The following CSNK1G1 variants were observed in gnomAD, a reference collection of about 807,000 sequenced individuals.
The protein encoded by CSNK1G1 is casein kinase I isoform gamma-1.
A neutral mutation model predicts 59.6 loss-of-function variants in CSNK1G1; 22 were observed. That is an observed-to-expected ratio of 0.37 (90% confidence interval 0.26 to 0.53). The LOEUF (loss-of-function observed/expected upper bound fraction) is 0.53, where lower values mean the gene tolerates loss of function less well. Among genes scored for constraint, CSNK1G1 ranks in the 20% least tolerant of loss-of-function variants. The probability of loss-of-function intolerance (pLI) is 0.89; values close to 1 mark genes in which losing one functional copy is unlikely to be tolerated. For missense variants in CSNK1G1, 384 were observed against 519.5 expected, an observed-to-expected ratio of 0.74 and a Z score of 2.54; for synonymous variants, 179 against 177.1, an observed-to-expected ratio of 1.01 and a Z score of -0.08.
At chr15:64,290,799 TA>T (rs1894696215) in intron 2 of CSNK1G1, among the ~76,000 whole-genome samples, 1 of 152,330 alleles carries the variant, frequency 6.6e-6, no homozygotes, top group East Asian at 1.9e-4. Flanking sequence ...TCACCCAGAC[TA>T]GAGTGCAATG....
chr15:64,211,602 T>C (rs780150497), intron 6 of CSNK1G1, among the ~76,000 whole-genome samples: 8 of 152,178 alleles, frequency 5.3e-5, no homozygotes, highest in Non-Finnish European at 1.0e-4. Context: ...ATAATTACAA[T>C]ATGGACTGAT....
chr15:64,228,682 T>C (rs961241516), intron 4 of CSNK1G1, among the ~76,000 whole-genome samples: 1 of 151,986 alleles, frequency 6.6e-6, no homozygotes, highest in East Asian at 1.9e-4. Flanking sequence ...CAAAGGCACA[T>C]GATTAAGAAC....
intron 2 of CSNK1G1, among the ~76,000 whole-genome samples, chr15:64,281,013 G>A (rs950109771): frequency 4.6e-5 from 7 of 151,686 alleles, no homozygotes; most frequent in African/African-American, 9.7e-5. Flanking sequence ...CCAAGTAGCT[G>A]GGACTACAGG....
intron 1 of CSNK1G1, among the ~76,000 whole-genome samples, chr15:64,310,331 G>C (rs889521176): frequency 6.6e-6 from 1 of 151,794 alleles, no homozygotes; most frequent in African/African-American, 2.4e-5. Flanking sequence ...CCCTCCACTT[G>C]ATTCACCTTT....
At chr15:64,208,733 G>A (rs1041972991) in intron 6 of CSNK1G1, among the ~76,000 whole-genome samples, 1 of 152,028 alleles carries the variant, frequency 6.6e-6, no homozygotes, top group African/African-American at 2.4e-5. Flanking sequence ...ATGGGATGTC[G>A]CTATGTTGCT....
At position 64,213,752 on chromosome 15, in the gene CSNK1G1, C is replaced by A. The variant is rs140480602; in HGVS notation, c.679+138G>T. The A allele has an allele frequency of 6.5e-4, 421 of 650,892 alleles. 2 individuals carry two copies. In the African/African-American group the frequency reaches 6.9e-3, roughly 11 times the overall value. 40.3% of individuals were successfully genotyped at this position (650,892 alleles called of 1,614,324 possible). On this transcript the variant is annotated intron_variant, in intron 6 of 11. Transcript: ENST00000303052. ...AAAAGTCATTAACTTACCATCTCAACTTCTCATGTATAAAAATCACTCAAC... is the reference window on the plus strand; with the variant it reads ...AAAAGTCATTAACTTACCATCTCAAATTCTCATGTATAAAAATCACTCAAC...
intron 2 of CSNK1G1, among the ~76,000 whole-genome samples, chr15:64,273,250 TCA>T (rs1340099928): frequency 6.6e-6 from 1 of 152,178 alleles, no homozygotes; most frequent in African/African-American, 2.4e-5. Flanking sequence ...TATTGAAACA[TCA>T]CACTCTACCC....
intron 1 of CSNK1G1, among the ~76,000 whole-genome samples, chr15:64,353,032 T>G (rs979312139): frequency 6.6e-6 from 1 of 151,972 alleles, no homozygotes; most frequent in African/African-American, 2.4e-5. Context: ...GAGATTGCAA[T>G]GAGCAGAGAT....
At chr15:64,323,207 G>A (rs972019166) in intron 1 of CSNK1G1, among the ~76,000 whole-genome samples, 1 of 151,940 alleles carries the variant, frequency 6.6e-6, no homozygotes, top group African/African-American at 2.4e-5. Flanking sequence ...GATTACAAGT[G>A]TAAGCTAGCA....
intron 1 of CSNK1G1, among the ~76,000 whole-genome samples, chr15:64,308,896 CAAA>C (rs66686070): frequency 1.4e-5 from 2 of 144,246 alleles, no homozygotes; most frequent in Non-Finnish European, 3.0e-5. Flanking sequence ...GACTCTGTCT[CAAA>C]AAAAAAAAAA....
At chr15:64,221,073 C>T (rs930648733) in intron 4 of CSNK1G1, among the ~76,000 whole-genome samples, 1 of 152,206 alleles carries the variant, frequency 6.6e-6, no homozygotes, top group Non-Finnish European at 1.5e-5. Flanking sequence ...AAAAATCAAT[C>T]TCCACCTTGA....
At chr15:64,204,136 A>C (rs1298068604) in intron 9 of CSNK1G1, among the ~76,000 whole-genome samples, 1 of 151,912 alleles carries the variant, frequency 6.6e-6, no homozygotes, top group East Asian at 1.9e-4. Flanking sequence ...CAAACAAACA[A>C]ACAAACAAAC....
At chr15:64,243,711 C>G (rs1284211897) in intron 4 of CSNK1G1, among the ~76,000 whole-genome samples, 1 of 152,060 alleles carries the variant, frequency 6.6e-6, no homozygotes, top group East Asian at 1.9e-4. Flanking sequence ...TTGCAAGATA[C>G]AAAAGCAACA....
intron 1 of CSNK1G1, among the ~76,000 whole-genome samples, chr15:64,353,482 T>C (rs1413298276): frequency 2.0e-5 from 3 of 151,662 alleles, no homozygotes; most frequent in Non-Finnish European, 2.9e-5. Context: ...TCGTCTCTAC[T>C]AAAAATACAA....
chr15:64,323,553 TG>T (rs942351927), intron 1 of CSNK1G1, among the ~76,000 whole-genome samples: 18 of 152,090 alleles, frequency 1.2e-4, no homozygotes, highest in African/African-American at 4.3e-4. Flanking sequence ...TTAGTAGACA[TG>T]GGGTTTCTCC....
intron 2 of CSNK1G1, among the ~76,000 whole-genome samples, chr15:64,259,961 T>A (rs1335331374): frequency 6.6e-5 from 10 of 152,210 alleles, no homozygotes; most frequent in Non-Finnish European, 1.5e-4. Flanking sequence ...ACGTTTAGAC[T>A]AAGAACTTGG....
intron 1 of CSNK1G1, among the ~76,000 whole-genome samples, chr15:64,316,416 G>A (rs1596266959): frequency 6.6e-6 from 1 of 151,462 alleles, no homozygotes; most frequent in Admixed American, 6.6e-5. Flanking sequence ...CACGCCTGTA[G>A]TCCCAGCTAC....
At chr15:64,186,756 G>A (rs1334350088) in intron 10 of CSNK1G1, among the ~76,000 whole-genome samples, 4 of 152,126 alleles carry the variant, frequency 2.6e-5, no homozygotes, top group Non-Finnish European at 5.9e-5. Flanking sequence ...TGATCCTCCT[G>A]CCTAGGCTTC....
Position 64,176,395 on chromosome 15 carries a change from A to G in CSNK1G1, c.1214+3953T>C. 1 of 397,576 alleles carries G rather than the reference A, an allele frequency of 2.5e-6. No individual in the cohort carries two copies. 24.6% of individuals were successfully genotyped at this position (397,576 alleles called of 1,614,324 possible). A position where few individuals can be genotyped will look rare whatever the true frequency, so the allele number is the denominator to read the frequency against. On this transcript the variant is annotated intron_variant, in intron 11 of 11. Coordinates refer to ENST00000303052, the MANE Select transcript of CSNK1G1 (RefSeq NM_022048.5). This position sits in a 1 kb window ranked among gnomAD's most constrained non-coding sequence, Gnocchi z 5.2. ...CTCCCTGTGAGCCATGCAAACATGC[A>G]GTATGTGTCTGTGTTTAGTTTCTTC...
Sources: allele counts gnomAD v4.1 joint callset (sites outside exome capture counted in the v4.1 genomes callset), GRCh38; gene constraint gnomAD v4.1.1; non-coding constraint Gnocchi (gnomAD v3.1); transcripts MANE v1.5; gene names NCBI Gene and HGNC (gene_info 2026-07-23, HGNC 2026-07-21).